The following ERMP1 variants were observed in gnomAD, a reference collection of about 807,000 sequenced individuals.
The protein encoded by ERMP1 is Felix-ina.
In ERMP1, 86 loss-of-function variants were observed where a neutral mutation model predicts 92.0. That is an observed-to-expected ratio of 0.93 (90% CI 0.79 to 1.12). The LOEUF (loss-of-function observed/expected upper bound fraction) is 1.12. Among genes scored for constraint, ERMP1 ranks in the 50% most tolerant of loss-of-function variants. The pLI is 0.00. For missense variants in ERMP1, 1,342 were observed against 1,116.3 expected, an observed-to-expected ratio of 1.20 and a Z score of -2.88; for synonymous variants, 530 against 412.8, an observed-to-expected ratio of 1.28 and a Z score of -3.44.
intron 10 of ERMP1, 101 bp downstream of exon 10, chr9:5,804,926 C>T: frequency 1.2e-6 from 1 of 867,642 alleles, no homozygotes; most frequent in Non-Finnish European, 1.8e-6. Context: ...TTCAGATTTT[C>T]TCAATAAAGT....
chr9:5,800,113 T>C (rs1287515841), intron 11 of ERMP1, among the ~76,000 whole-genome samples: 2 of 152,238 alleles, frequency 1.3e-5, no homozygotes, highest in Non-Finnish European at 2.9e-5. Flanking sequence ...TAAGGGTATA[T>C]GTTATCTTGA....
chr9:5,842,527 A>G (rs922089542), intron 6 of ERMP1, among the ~76,000 whole-genome samples: 2 of 152,216 alleles, frequency 1.3e-5, no homozygotes, highest in African/African-American at 2.4e-5. Context: ...ATAAAGTACT[A>G]AATGCCACAA....
chr9:5,830,160 A>T (rs66708009), intron 2 of ERMP1, among the ~76,000 whole-genome samples: 1 of 152,020 alleles, frequency 6.6e-6, no homozygotes, highest in Non-Finnish European at 1.5e-5. Context: ...ATGCAGCCCA[A>T]TACAAATTTG....
intron 6 of ERMP1, among the ~76,000 whole-genome samples, chr9:5,845,102 T>G (rs1477094253): frequency 6.6e-6 from 1 of 151,860 alleles, no homozygotes; most frequent in African/African-American, 2.4e-5. Context: ...AAAACTTGAA[T>G]CATCGTGTTT....
intron 4 of ERMP1, among the ~76,000 whole-genome samples, chr9:5,818,113 T>C (rs534088045): frequency 2.0e-5 from 3 of 151,360 alleles, no homozygotes; most frequent in Admixed American, 1.3e-4. Flanking sequence ...TGAGCCATGA[T>C]TGCATCACTG....
At chr9:5,832,327 A>G (rs1829973113) in intron 1 of ERMP1, 1 of 218,306 alleles carries the variant, frequency 4.6e-6, no homozygotes, top group South Asian at 1.5e-4. Context: ...TAGGTACACA[A>G]ATTTCCATCT....
chr9:5,858,357 G>A (rs1830409435), intron 6 of ERMP1, among the ~76,000 whole-genome samples: 2 of 152,114 alleles, frequency 1.3e-5, no homozygotes. Flanking sequence ...CTCACAGGAG[G>A]GTAAGACCAT....
intron 4 of ERMP1, among the ~76,000 whole-genome samples, chr9:5,823,245 C>G (rs1395331413): frequency 6.6e-6 from 1 of 151,654 alleles, no homozygotes; most frequent in Admixed American, 6.6e-5. Context: ...CCAGTGCACT[C>G]GAGCCTGGGT....
chr9:5,817,228 C>A (rs1308975758), intron 4 of ERMP1, among the ~76,000 whole-genome samples: 1 of 151,154 alleles, frequency 6.6e-6, no homozygotes, highest in Non-Finnish European at 1.5e-5. Context: ...CTCGCTCTGT[C>A]GTCCAGGCTG....
intron 4 of ERMP1, among the ~76,000 whole-genome samples, chr9:5,816,743 A>C (rs556874286): frequency 2.0e-5 from 3 of 152,324 alleles, no homozygotes; most frequent in African/African-American, 4.8e-5. Context: ...ATTGTTGTAG[A>C]ATTGACTAGT....
chr9:5,824,334 G>T, intron 3 of ERMP1, among the ~76,000 whole-genome samples: 1 of 152,198 alleles, frequency 6.6e-6, no homozygotes, highest in East Asian at 1.9e-4. Flanking sequence ...AAAACTTTGG[G>T]AGGCCATGGT....
At chr9:5,822,174 C>G (rs921206533) in intron 4 of ERMP1, among the ~76,000 whole-genome samples, 5 of 152,088 alleles carry the variant, frequency 3.3e-5, no homozygotes, top group African/African-American at 1.2e-4. Context: ...ATGTCTTGAG[C>G]TCTCAAGGCA....
rs1827994815 is a variant in ERMP1, at chr9:5,787,531, G to A, written c.2449C>T (p.Leu817Phe). 1.2e-6 allele frequency: 2 copies of A among 1,614,094 alleles called. No individual in the cohort carries two copies. The highest frequency in any genetic ancestry group is 1.7e-5 in the Admixed American group (1 of 60,032). The change falls in exon 14 of 15, where the codon CTT becomes TTT. Residue 817 changes from leucine to phenylalanine, a missense_variant. Leu to Phe is a conservative substitution (Grantham distance 22, BLOSUM62 0). Coordinates refer to ENST00000339450, the MANE Select transcript of ERMP1 (RefSeq NM_024896.3). ...HKGSTLSQWS[L>F]GNGTPVTSKG... ...CTTGTGACTGGGGTGCCATTGCCAA[G>A]AGACCACTGAGAAAGTGTTGACCCT...
intron 8 of ERMP1, among the ~76,000 whole-genome samples, chr9:5,806,497 G>A (rs138997656): frequency 2.1e-3 from 318 of 149,934 alleles, no homozygotes; most frequent in African/African-American, 7.0e-3. Context: ...GTGCGATCTC[G>A]GCCCACTGCA....
chr9:5,833,169 C>T (rs971789860), upstream of ERMP1: 97 of 766,674 alleles, frequency 1.3e-4, no homozygotes, highest in Middle Eastern at 2.2e-3. Flanking sequence ...TTGGCCCGTC[C>T]CGCCGCGCCA....
intron 13 of ERMP1, among the ~76,000 whole-genome samples, chr9:5,790,742 G>C (rs779792674): frequency 6.6e-6 from 1 of 152,182 alleles, no homozygotes; most frequent in Admixed American, 6.5e-5. Context: ...CTATGCATCA[G>C]ATAACATAGC....
intron 6 of ERMP1, among the ~76,000 whole-genome samples, chr9:5,854,066 G>GATA (rs766350247): frequency 6.6e-6 from 1 of 151,946 alleles, no homozygotes; most frequent in Non-Finnish European, 1.5e-5. Flanking sequence ...AACAAAGGGG[G>GATA]ATAAATTGTG....
chr9:5,811,625 G>C (rs375448928), intron 6 of ERMP1, among the ~76,000 whole-genome samples: 4 of 152,092 alleles, frequency 2.6e-5, no homozygotes, highest in Non-Finnish European at 5.9e-5. Flanking sequence ...TATTCTCTGT[G>C]ATCAATTGTA....
At chr9:5,848,965 A>C (rs1337722526) in intron 6 of ERMP1, among the ~76,000 whole-genome samples, 1 of 152,160 alleles carries the variant, frequency 6.6e-6, no homozygotes, top group Non-Finnish European at 1.5e-5. Context: ...CAAGTGGAGA[A>C]GCCACTTTGT....
Sources: gnomAD v4.1 joint callset for allele counts (sites outside exome capture counted in the v4.1 genomes callset) on GRCh38, gnomAD v4.1.1 for gene constraint, MANE v1.5 for transcripts, NCBI Gene and HGNC (gene_info 2026-07-23, HGNC 2026-07-21) for gene names.